The following CACNA2D1 variants were observed in gnomAD, a reference collection of about 807,000 sequenced individuals.
The protein encoded by CACNA2D1 is voltage-dependent calcium channel subunit alpha-2/delta-1.
Under a neutral mutation model 171.5 loss-of-function variants are expected in CACNA2D1, and 53 were observed. That is an observed-to-expected ratio of 0.31 (90% CI 0.25 to 0.39). The LOEUF is 0.39. Ranked by LOEUF, CACNA2D1 falls within the 10% of genes least tolerant of loss-of-function variation. The pLI, the probability that CACNA2D1 is intolerant of heterozygous loss-of-function variation, is 1.00. For missense variants in CACNA2D1, 903 were observed against 1,299.8 expected, an observed-to-expected ratio of 0.69 and a Z score of 4.69; for synonymous variants, 442 against 443.1, an observed-to-expected ratio of 1.00 and a Z score of 0.03.
chr7:82,186,938 A>G (rs995914859), intron 3 of CACNA2D1, among the ~76,000 whole-genome samples: 1 of 152,220 alleles, frequency 6.6e-6, no homozygotes, highest in Non-Finnish European at 1.5e-5. Context: ...TAATGTCACA[A>G]GAAACATAAA....
At chr7:82,425,043 A>G (rs1407975767) in intron 1 of CACNA2D1, among the ~76,000 whole-genome samples, 2 of 152,172 alleles carry the variant, frequency 1.3e-5, no homozygotes, top group Non-Finnish European at 2.9e-5. Flanking sequence ...ATATGAAGGG[A>G]TGTCACTCCC....
chr7:82,365,176 T>A (rs1035276665), intron 1 of CACNA2D1, among the ~76,000 whole-genome samples: 1 of 152,156 alleles, frequency 6.6e-6, no homozygotes, highest in Non-Finnish European at 1.5e-5. Flanking sequence ...ACGCACATTT[T>A]AGAAAAAGGA....
At chr7:82,230,838 G>A (rs1802851668) in intron 3 of CACNA2D1, among the ~76,000 whole-genome samples, 3 of 152,154 alleles carry the variant, frequency 2.0e-5, no homozygotes. Context: ...TTCTTTTTGT[G>A]TAATATAAAA....
chr7:82,211,180 T>C (rs1021070880), intron 3 of CACNA2D1, among the ~76,000 whole-genome samples: 6 of 152,190 alleles, frequency 3.9e-5, no homozygotes, highest in African/African-American at 1.2e-4. Context: ...GACAGGGGGA[T>C]TCTTTTTAAT....
In CACNA2D1 at chr7:82,429,258, T is replaced by G. The variant is rs555224123; in HGVS notation, c.95+14107A>C. On this transcript the variant is annotated intron_variant, in intron 1 of 38. Coordinates refer to ENST00000356860, the MANE Select transcript of CACNA2D1 (RefSeq NM_000722.4). ...AACTTTCACTTGATATAAATCATTATAATATATATTTGATGTTTATTGTGT... is the reference window on the plus strand; with the variant it reads ...AACTTTCACTTGATATAAATCATTAGAATATATATTTGATGTTTATTGTGT... 9.2e-5 allele frequency among the ~76,000 whole-genome samples: 14 copies of G among 152,358 alleles called. 1 individual carries two copies. The South Asian group carries it at 2.1e-3, about 23-fold the overall frequency.
intron 4 of CACNA2D1, among the ~76,000 whole-genome samples, chr7:82,151,050 T>A (rs1793805344): frequency 6.6e-6 from 1 of 152,140 alleles, no homozygotes; most frequent in Admixed American, 6.5e-5. Context: ...AGTTAAAACA[T>A]GCATAATTGT....
At chr7:82,435,743 C>CT (rs140474139) in intron 1 of CACNA2D1, among the ~76,000 whole-genome samples, 23 of 147,818 alleles carry the variant, frequency 1.6e-4, no homozygotes, top group African/African-American at 4.0e-4. Flanking sequence ...AAACCTATTA[C>CT]TTTTTTTTTT....
intron 11 of CACNA2D1, among the ~76,000 whole-genome samples, chr7:82,033,631 C>T (rs1336059138): frequency 1.3e-5 from 2 of 151,910 alleles, no homozygotes; most frequent in Non-Finnish European, 1.5e-5. Context: ...CCCAGGATGT[C>T]CTCTTATCCT....
chr7:82,146,128 G>A lies in CACNA2D1; in HGVS notation c.355-9452C>T, dbSNP rs1303067516. ...GCCATCTAAGAGGAGTGGTCACATC[G>A]AAAGATAATAGATCCATGTGTCTTT... On this transcript the variant is annotated intron_variant, in intron 4 of 38. Coordinates refer to ENST00000356860, the MANE Select transcript of CACNA2D1 (RefSeq NM_000722.4). Among the ~76,000 whole-genome samples, 10 of 151,594 alleles carry A rather than the reference G, an allele frequency of 6.6e-5. No homozygotes were observed. In the East Asian group the frequency reaches 1.7e-3, roughly 26 times the overall value.
intron 1 of CACNA2D1, among the ~76,000 whole-genome samples, chr7:82,363,822 T>A (rs1585662243): frequency 6.6e-6 from 1 of 152,188 alleles, no homozygotes; most frequent in African/African-American, 2.4e-5. Flanking sequence ...ATGGACTGGG[T>A]CTGATTCTCC....
rs574904422 is a variant in CACNA2D1, at chr7:82,332,701, C to T, written c.294+2434G>A. Reference sequence around the variant, plus strand: ...ATATCCATAAATGTACTGAAGTCTACACAATAAGAGGAACCAGGCGGGGTG... The same window carrying T: ...ATATCCATAAATGTACTGAAGTCTATACAATAAGAGGAACCAGGCGGGGTG... On this transcript the variant is annotated intron_variant, in intron 3 of 38. Transcript: ENST00000356860. Among the ~76,000 whole-genome samples the T allele has an allele frequency of 3.9e-5, 6 of 152,168 alleles. No homozygotes were observed. In the East Asian group the frequency reaches 1.2e-3, roughly 29 times the overall value.
In CACNA2D1 at chr7:82,187,236, G is replaced by A. The variant is rs551744884; in HGVS notation, c.295-16627C>T. Among the ~76,000 whole-genome samples the A allele has an allele frequency of 2.0e-5, 3 of 152,124 alleles. No homozygotes were observed. In the East Asian group the frequency reaches 5.8e-4, roughly 29 times the overall value. ...TCTCTACCTTCAGTCAATCCCAAAG[G>A]TTGAAGGTAAGTACCACAATAATCC... On this transcript the variant is annotated intron_variant, in intron 3 of 38. Transcript: ENST00000356860.
chr7:82,311,505 A>C (rs190087008), intron 3 of CACNA2D1, among the ~76,000 whole-genome samples: 1 of 152,230 alleles, frequency 6.6e-6, no homozygotes, highest in Non-Finnish European at 1.5e-5. Context: ...GATGCTGTTT[A>C]CTTTTTACAG....
intron 1 of CACNA2D1, among the ~76,000 whole-genome samples, chr7:82,356,611 T>C (rs1820447727): frequency 6.6e-6 from 1 of 152,150 alleles, no homozygotes; most frequent in Non-Finnish European, 1.5e-5. Context: ...CATAAGTATT[T>C]ATTGAATAGA....
chr7:82,102,113 T>C (rs1348592334), intron 6 of CACNA2D1, among the ~76,000 whole-genome samples: 2 of 152,126 alleles, frequency 1.3e-5, no homozygotes, highest in Non-Finnish European at 2.9e-5. Context: ...TAACCTGCCA[T>C]TGTTTTAAAA....
chr7:82,270,960 C>A (rs1048420499), intron 3 of CACNA2D1, among the ~76,000 whole-genome samples: 1 of 152,030 alleles, frequency 6.6e-6, no homozygotes, highest in African/African-American at 2.4e-5. Flanking sequence ...CTTCTTTATC[C>A]AAACTCATTC....
chr7:82,268,385 C>A (rs38569), intron 3 of CACNA2D1, among the ~76,000 whole-genome samples: 2 of 151,962 alleles, frequency 1.3e-5, no homozygotes, highest in Non-Finnish European at 2.9e-5. Flanking sequence ...AAGGTTCTTT[C>A]ACAAAAATAA....
At chr7:82,192,460 TTGTGTGTGTGTGTGTGTG>T (rs200160135) in intron 3 of CACNA2D1, among the ~76,000 whole-genome samples, 8,115 of 136,696 alleles carry the variant, frequency 0.059, 304 homozygotes, top group East Asian at 0.069. Context: ...GTGTTTGTGT[TTGTGTGTGTGTGTGTGTG>T]TGTGTGTGTG....
chr7:82,117,869 C>A (rs1265903060), intron 5 of CACNA2D1, among the ~76,000 whole-genome samples: 2 of 152,044 alleles, frequency 1.3e-5, no homozygotes, highest in Non-Finnish European at 2.9e-5. Flanking sequence ...ATATTATCCA[C>A]TTGAAATAAA....
Sources: gnomAD v4.1 joint callset for allele counts (sites outside exome capture counted in the v4.1 genomes callset) on GRCh38, gnomAD v4.1.1 for gene constraint, MANE v1.5 for transcripts, NCBI Gene and HGNC (gene_info 2026-07-23, HGNC 2026-07-21) for gene names.